The following SOX6 variants were observed in gnomAD, a reference collection of about 807,000 sequenced individuals.
SOX6 encodes SRY-box transcription factor 6, also known as transcription factor SOX-6.
A neutral mutation model predicts 97.8 loss-of-function variants in SOX6; 11 were observed. That is an observed-to-expected ratio of 0.11 (90% CI 0.07 to 0.19). SOX6 has a LOEUF of 0.19. SOX6 is among the 10% of genes least tolerant of loss of function. The pLI is 1.00. For synonymous variants in SOX6, 360 were observed against 371.4 expected (o/e 0.97, Z 0.35); for missense variants, 810 against 1,039.5 (o/e 0.78, Z 3.04).
At chr11:16,608,190 CGT>C (rs1848357827) in intron 4 of SOX6, among the ~76,000 whole-genome samples, 1 of 151,148 alleles carries the variant, frequency 6.6e-6, no homozygotes, top group Non-Finnish European at 1.5e-5. Context: ...CAAACTGTAG[CGT>C]GGAAAAGGTA....
chr11:16,285,417 C>T (rs1464996957), intron 3 of SOX6, among the ~76,000 whole-genome samples: 1 of 152,024 alleles, frequency 6.6e-6, no homozygotes, highest in African/African-American at 2.4e-5. Context: ...GCCTGTAATC[C>T]CAGCTAGTCG....
At chr11:16,396,003 C>A (rs1430923253) in intron 1 of SOX6, among the ~76,000 whole-genome samples, 1 of 151,102 alleles carries the variant, frequency 6.6e-6, no homozygotes, top group Non-Finnish European at 1.5e-5. Context: ...TTCTCAGGCT[C>A]ATATCAAATC....
chr11:16,405,127 G>T (rs1029168324), intron 1 of SOX6, among the ~76,000 whole-genome samples: 2 of 151,892 alleles, frequency 1.3e-5, no homozygotes, highest in Non-Finnish European at 2.9e-5. Flanking sequence ...GGCAAAGGTC[G>T]CATTATGAGG....
chr11:16,508,667 G>A (rs1860830743), intron 4 of SOX6, among the ~76,000 whole-genome samples: 3 of 152,014 alleles, frequency 2.0e-5, no homozygotes, highest in African/African-American at 4.8e-5. Flanking sequence ...GTATAGACCC[G>A]AGGTTAGGAA....
intron 9 of SOX6, among the ~76,000 whole-genome samples, chr11:16,072,893 T>A (rs1017449877): frequency 1.6e-4 from 25 of 152,180 alleles, no homozygotes; most frequent in African/African-American, 5.8e-4. Flanking sequence ...GACAAGCAAG[T>A]ACTAAGGGAA....
intron 4 of SOX6, among the ~76,000 whole-genome samples, chr11:16,538,646 A>C (rs1346762888): frequency 1.3e-5 from 2 of 152,012 alleles, no homozygotes; most frequent in African/African-American, 4.8e-5. Flanking sequence ...AAGCAAATGG[A>C]AAACAAAAAA....
chr11:16,133,184 G>A (rs1385471796), intron 6 of SOX6, among the ~76,000 whole-genome samples: 2 of 152,198 alleles, frequency 1.3e-5, no homozygotes, highest in East Asian at 3.8e-4. Flanking sequence ...ATAGTTCAGT[G>A]CTCTCCTAAA....
intron 4 of SOX6, among the ~76,000 whole-genome samples, chr11:16,512,749 C>T (rs929255751): frequency 6.6e-6 from 1 of 152,184 alleles, no homozygotes; most frequent in African/African-American, 2.4e-5. Flanking sequence ...AATTTGACAA[C>T]TTCTGGCACA....
intron 10 of SOX6, 94 bp from the exon 11 acceptor site, chr11:16,050,032 A>C: frequency 8.1e-7 from 1 of 1,240,526 alleles, no homozygotes; most frequent in East Asian, 2.3e-5. Context: ...CCTCAGAGAC[A>C]ATGCCACATT....
intron 1 of SOX6, among the ~76,000 whole-genome samples, chr11:16,447,372 AG>A (rs1192458785): frequency 6.6e-6 from 1 of 152,188 alleles, no homozygotes; most frequent in Non-Finnish European, 1.5e-5. Flanking sequence ...AAATGGGTAC[AG>A]TAATAGTTTT....
At chr11:16,256,951 A>C (rs565209824) in intron 3 of SOX6, among the ~76,000 whole-genome samples, 37 of 151,966 alleles carry the variant, frequency 2.4e-4, no homozygotes, top group Admixed American at 2.3e-3. Context: ...AAAACACATT[A>C]CCATTCATAT....
At chr11:16,460,693 A>G (rs1590212245) in intron 1 of SOX6, among the ~76,000 whole-genome samples, 2 of 152,114 alleles carry the variant, frequency 1.3e-5, no homozygotes, top group African/African-American at 4.8e-5. Flanking sequence ...ATGTGGCAAT[A>G]TAACCAGGGA....
chr11:16,324,446 T>C (rs964767700), intron 2 of SOX6, among the ~76,000 whole-genome samples: 1 of 152,184 alleles, frequency 6.6e-6, no homozygotes, highest in African/African-American at 2.4e-5. Flanking sequence ...GCATTATGAT[T>C]TTATCTATAT....
At chr11:16,424,094 C>T (rs532621074) in intron 1 of SOX6, among the ~76,000 whole-genome samples, 1 of 152,050 alleles carries the variant, frequency 6.6e-6, no homozygotes, top group Admixed American at 6.5e-5. Flanking sequence ...ACATTCAATA[C>T]AGTTACCCAG....
intron 4 of SOX6, among the ~76,000 whole-genome samples, chr11:16,611,646 C>A (rs577173505): frequency 1.3e-5 from 2 of 152,284 alleles, no homozygotes; most frequent in South Asian, 4.1e-4. Context: ...ATAACAGTGC[C>A]CTTGGGACTC....
intron 4 of SOX6, among the ~76,000 whole-genome samples, chr11:16,609,144 T>C (rs1848368991): frequency 6.6e-6 from 1 of 152,190 alleles, no homozygotes; most frequent in South Asian, 2.1e-4. Flanking sequence ...AATCATGGTC[T>C]CAGGTAGTAG....
chr11:16,141,143 C>G (rs1850125480), intron 6 of SOX6, among the ~76,000 whole-genome samples: 1 of 152,024 alleles, frequency 6.6e-6, no homozygotes, highest in South Asian at 2.1e-4. Context: ...CATGCTCATG[C>G]TCAGTATATA....
chr11:16,737,046 C>G (rs1180870722), intron 1 of SOX6, among the ~76,000 whole-genome samples: 5 of 152,232 alleles, frequency 3.3e-5, no homozygotes, highest in Non-Finnish European at 7.4e-5. Flanking sequence ...TTCCACTGGT[C>G]ACAGTTCAGT....
chr11:16,591,903 A>G (rs1848157825), intron 4 of SOX6, among the ~76,000 whole-genome samples: 1 of 152,156 alleles, frequency 6.6e-6, no homozygotes, highest in Admixed American at 6.5e-5. Context: ...AAAGCCATGT[A>G]GCAAAGTAAA....
Sources: allele counts gnomAD v4.1 joint callset (sites outside exome capture counted in the v4.1 genomes callset), GRCh38; gene constraint gnomAD v4.1.1; transcripts MANE v1.5; gene names NCBI Gene and HGNC (gene_info 2026-07-23, HGNC 2026-07-21).